Variants in RAD51B observed in about 807,000 individuals in gnomAD.
RAD51B encodes the protein RAD51 paralog B, also known as DNA repair protein RAD51 homolog 2.
Under a neutral mutation model 42.2 loss-of-function variants are expected in RAD51B, and 38 were observed. That is an observed-to-expected ratio of 0.90 (90% CI 0.70 to 1.18). The LOEUF (loss-of-function observed/expected upper bound fraction) is 1.18, where lower values mean the gene tolerates loss of function less well. Ranked by LOEUF, RAD51B falls within the 50% of genes most tolerant of loss-of-function variation. The pLI is 0.00. For missense variants in RAD51B, 373 were observed against 400.7 expected, an observed-to-expected ratio of 0.93 and a Z score of 0.59; for synonymous variants, 154 against 145.2, an observed-to-expected ratio of 1.06 and a Z score of -0.43.
At chr14:68,005,031 CTGTG>C (rs1387632190) in intron 7 of RAD51B, among the ~76,000 whole-genome samples, 1 of 115,492 alleles carries the variant, frequency 8.7e-6, no homozygotes, top group South Asian at 2.7e-4. Flanking sequence ...TACCATTCTA[CTGTG>C]TGTGTGTGTG....
At chr14:68,134,189 A>G (rs549085718) in intron 7 of RAD51B, among the ~76,000 whole-genome samples, 1 of 152,318 alleles carries the variant, frequency 6.6e-6, no homozygotes, top group Admixed American at 6.5e-5. Flanking sequence ...CAAATATTAC[A>G]TAAATGAAAT....
intron 10 of RAD51B, among the ~76,000 whole-genome samples, chr14:68,530,468 A>AG (rs150267307): frequency 6.9e-6 from 1 of 145,466 alleles, no homozygotes; most frequent in Non-Finnish European, 1.5e-5. Context: ...AAAAAAAAAA[A>AG]AGAGATAAAG....
At chr14:67,982,762 A>T (rs1183010773) in intron 7 of RAD51B, among the ~76,000 whole-genome samples, 1 of 151,514 alleles carries the variant, frequency 6.6e-6, no homozygotes, top group Non-Finnish European at 1.5e-5. Flanking sequence ...AATGATTACT[A>T]AACAGGGAGT....
chr14:67,939,704 G>T (rs1251554276), intron 7 of RAD51B, among the ~76,000 whole-genome samples: 1 of 152,034 alleles, frequency 6.6e-6, no homozygotes, highest in East Asian at 1.9e-4. Context: ...TGGAAGCATG[G>T]TTGGGTGCCC....
chr14:67,955,207 A>G (rs1309713496), intron 7 of RAD51B, among the ~76,000 whole-genome samples: 2 of 152,160 alleles, frequency 1.3e-5, no homozygotes, highest in Non-Finnish European at 2.9e-5. Context: ...GTTTTTGCTT[A>G]AGAAAGTTCC....
intron 8 of RAD51B, among the ~76,000 whole-genome samples, chr14:68,393,144 G>C (rs546783620): frequency 6.6e-6 from 1 of 152,278 alleles, no homozygotes; most frequent in Admixed American, 6.5e-5. Flanking sequence ...AAGAGGAGGG[G>C]GTGAGCTCCG....
At chr14:68,355,692 A>G (rs2139889922) in intron 8 of RAD51B, among the ~76,000 whole-genome samples, 1 of 152,344 alleles carries the variant, frequency 6.6e-6, no homozygotes, top group Admixed American at 6.5e-5. Flanking sequence ...ACAAAGGAAA[A>G]ATGGAAAAGT....
At chr14:68,475,291 C>A (rs576396412) in intron 10 of RAD51B, among the ~76,000 whole-genome samples, 1 of 152,266 alleles carries the variant, frequency 6.6e-6, no homozygotes, top group African/African-American at 2.4e-5. Context: ...GGTGACACAG[C>A]CCTTTCTGAA....
intron 8 of RAD51B, among the ~76,000 whole-genome samples, chr14:68,391,931 C>A (rs1359236654): frequency 6.6e-6 from 1 of 152,148 alleles, no homozygotes; most frequent in East Asian, 1.9e-4. Context: ...GGGCTGCTTC[C>A]CCTACAAATA....
At chr14:67,894,947 T>C (rs1316540814) in intron 7 of RAD51B, among the ~76,000 whole-genome samples, 1 of 152,106 alleles carries the variant, frequency 6.6e-6, no homozygotes, top group Non-Finnish European at 1.5e-5. Flanking sequence ...GCTAATTTTT[T>C]TGATTTTTAG....
At chr14:68,111,619 AC>A (rs1171151546) in intron 7 of RAD51B, among the ~76,000 whole-genome samples, 1 of 152,036 alleles carries the variant, frequency 6.6e-6, no homozygotes, top group Admixed American at 6.6e-5. Context: ...CATCCTACGT[AC>A]TTTGGTTTTG....
intron 8 of RAD51B, among the ~76,000 whole-genome samples, chr14:68,362,959 T>G (rs554800399): frequency 2.6e-5 from 4 of 152,328 alleles, no homozygotes; most frequent in South Asian, 2.1e-4. Flanking sequence ...CCTCTGGGGT[T>G]CTTGCACAGT....
At position 68,171,224 on chromosome 14, in the gene RAD51B, GAAAT is replaced by G. The variant is rs759388511; in HGVS notation, c.757-120657_757-120654del. ...CTTTAGAGCCTGACAGAACAAAAAA[GAAAT>G]AAGCCATTTCTGTAGCAGAATCTTA... On this transcript the variant is annotated intron_variant, in intron 7 of 10. Coordinates refer to ENST00000471583, the MANE Select transcript of RAD51B (RefSeq NM_133510.4). Among the ~76,000 whole-genome samples the G allele has an allele frequency of 2.0e-5, 3 of 152,314 alleles. No homozygotes were observed. The East Asian group carries it at 5.8e-4, about 29-fold the overall frequency.
At chr14:68,418,981 G>A (rs759889596) in intron 9 of RAD51B, among the ~76,000 whole-genome samples, 6 of 152,192 alleles carry the variant, frequency 3.9e-5, no homozygotes, top group Non-Finnish European at 5.9e-5. Flanking sequence ...ATCTTCTCCA[G>A]TGAGTCTCAA....
chr14:68,014,199 C>CTTTTTTTTTTTTTTT (rs35420035), intron 7 of RAD51B, among the ~76,000 whole-genome samples: 2 of 138,330 alleles, frequency 1.4e-5, no homozygotes. Context: ...TCTTTTCTTT[C>CTTTTTTTTTTTTTTT]TTTTTTTTTT....
chr14:68,271,382 G>T (rs975708604), intron 7 of RAD51B, among the ~76,000 whole-genome samples: 1 of 152,126 alleles, frequency 6.6e-6, no homozygotes, highest in Non-Finnish European at 1.5e-5. Flanking sequence ...AACAAGCCTG[G>T]GTTTGAATCC....
chr14:68,587,780 G>C (rs563543629), intron 10 of RAD51B, among the ~76,000 whole-genome samples: 1 of 152,234 alleles, frequency 6.6e-6, no homozygotes, highest in Non-Finnish European at 1.5e-5. Flanking sequence ...GGAAGAGTAA[G>C]ATTTACAATA....
intron 10 of RAD51B, chr14:68,470,496 A>G (rs1440064861): frequency 2.1e-6 from 1 of 486,554 alleles, no homozygotes; most frequent in African/African-American, 2.0e-5. Flanking sequence ...TGATCTTGAG[A>G]AAATCTCTGG....
At chr14:68,330,649 T>G (rs1454892824) in intron 8 of RAD51B, among the ~76,000 whole-genome samples, 1 of 152,150 alleles carries the variant, frequency 6.6e-6, no homozygotes, top group South Asian at 2.1e-4. Flanking sequence ...AACATGCCTT[T>G]GAAGAAGCAA....
Sources: allele counts gnomAD v4.1 joint callset (sites outside exome capture counted in the v4.1 genomes callset), GRCh38; gene constraint gnomAD v4.1.1; transcripts MANE v1.5; gene names NCBI Gene and HGNC (gene_info 2026-07-23, HGNC 2026-07-21).